Variants in NRG3 observed in about 807,000 individuals in gnomAD.
The protein encoded by NRG3 is pro-neuregulin-3, membrane-bound isoform.
NRG3 carries 31 observed loss-of-function variants against 66.9 expected under a neutral mutation model. The observed-to-expected ratio is 0.46, with a 90% CI of 0.35 to 0.63. The LOEUF (loss-of-function observed/expected upper bound fraction) is 0.63. Among genes scored for constraint, NRG3 ranks in the 20% least tolerant of loss-of-function variants. The pLI is 0.00. For synonymous variants in NRG3, 393 were observed against 359.4 expected (o/e 1.09, Z -1.06); for missense variants, 910 against 878.9 (o/e 1.04, Z -0.45).
chr10:82,089,925 G>A (rs2065933499), intron 1 of NRG3, among the ~76,000 whole-genome samples: 1 of 152,146 alleles, frequency 6.6e-6, no homozygotes, highest in African/African-American at 2.4e-5. Flanking sequence ...TCCCTCCTCA[G>A]TTCTGTGATC....
At chr10:82,009,567 G>A (rs1319072471) in intron 1 of NRG3, among the ~76,000 whole-genome samples, 1 of 152,098 alleles carries the variant, frequency 6.6e-6, no homozygotes, top group African/African-American at 2.4e-5. Context: ...TTTTCTTAGT[G>A]CGTTAAAGAT....
At chr10:82,566,222 G>A (rs1016095121) in intron 2 of NRG3, among the ~76,000 whole-genome samples, 1 of 151,784 alleles carries the variant, frequency 6.6e-6, no homozygotes, top group African/African-American at 2.4e-5. Context: ...TCTTTCTTTG[G>A]TTGTTTTATT....
At chr10:82,301,093 C>A (rs970312358) in intron 1 of NRG3, among the ~76,000 whole-genome samples, 4 of 152,174 alleles carry the variant, frequency 2.6e-5, no homozygotes, top group Non-Finnish European at 5.9e-5. Flanking sequence ...GGATATATTT[C>A]ATCAATATGT....
At chr10:82,792,688 A>G (rs1349543929) in intron 3 of NRG3, among the ~76,000 whole-genome samples, 4 of 151,464 alleles carry the variant, frequency 2.6e-5, no homozygotes, top group African/African-American at 7.3e-5. Context: ...TTATTTATTT[A>G]TTTATTTTTT....
chr10:82,183,401 C>G (rs776799912), intron 1 of NRG3, among the ~76,000 whole-genome samples: 3 of 151,872 alleles, frequency 2.0e-5, no homozygotes, highest in Admixed American at 2.0e-4. Flanking sequence ...TTCGTTAACT[C>G]ATATATCTCC....
At chr10:82,070,626 G>A (rs564306742) in intron 1 of NRG3, among the ~76,000 whole-genome samples, 1 of 151,902 alleles carries the variant, frequency 6.6e-6, no homozygotes, top group East Asian at 1.9e-4. Context: ...AAGTATATTA[G>A]GTAAATAAAA....
intron 1 of NRG3, chr10:82,225,321 C>G (rs1292683778): frequency 2.0e-5 from 3 of 152,166 alleles, no homozygotes; most frequent in African/African-American, 7.2e-5. Flanking sequence ...GTTATTACCA[C>G]TAGAAGCTAC....
chr10:82,092,438 C>T (rs778117651), intron 1 of NRG3, among the ~76,000 whole-genome samples: 1 of 152,030 alleles, frequency 6.6e-6, no homozygotes, highest in African/African-American at 2.4e-5. Context: ...TTTCAAGCAC[C>T]ATTTTCATCC....
At chr10:82,705,577 T>A (rs1441814571) in intron 2 of NRG3, among the ~76,000 whole-genome samples, 2 of 152,214 alleles carry the variant, frequency 1.3e-5, no homozygotes, top group Non-Finnish European at 2.9e-5. Context: ...CTCTGAGGCT[T>A]AAAACCCTGT....
At chr10:82,301,116 G>T (rs2080378569) in intron 1 of NRG3, among the ~76,000 whole-genome samples, 1 of 152,172 alleles carries the variant, frequency 6.6e-6, no homozygotes, top group Admixed American at 6.5e-5. Flanking sequence ...TATTTGTGCT[G>T]TGTTTTAACA....
intron 3 of NRG3, among the ~76,000 whole-genome samples, chr10:82,784,110 G>T (rs535786857): frequency 1.3e-5 from 2 of 152,034 alleles, no homozygotes; most frequent in Admixed American, 6.5e-5. Context: ...AATGGGGAAA[G>T]GATTCCCTAT....
At chr10:82,738,704 T>A (rs1180571943) in intron 3 of NRG3, 54 bp downstream of exon 3, 1 of 1,429,334 alleles carries the variant, frequency 7.0e-7, no homozygotes, top group Non-Finnish European at 9.9e-7. Context: ...GCGTTTATTC[T>A]GAGCAATGGT....
intron 3 of NRG3, among the ~76,000 whole-genome samples, chr10:82,763,442 TA>T (rs1225692410): frequency 6.6e-6 from 1 of 152,126 alleles, no homozygotes; most frequent in Non-Finnish European, 1.5e-5. Flanking sequence ...AAAATAGCAA[TA>T]GAATTATAGA....
intron 1 of NRG3, among the ~76,000 whole-genome samples, chr10:82,135,839 G>A (rs1031712178): frequency 1.1e-4 from 17 of 152,060 alleles, no homozygotes; most frequent in Non-Finnish European, 2.2e-4. Flanking sequence ...ATTGGCCACT[G>A]GTGCCTTATT....
At chr10:82,056,192 A>G (rs1442844835) in intron 1 of NRG3, among the ~76,000 whole-genome samples, 1 of 152,188 alleles carries the variant, frequency 6.6e-6, no homozygotes, top group Non-Finnish European at 1.5e-5. Context: ...GTACAATGGC[A>G]TGAGAGATGG....
At chr10:82,585,974 T>C (rs1289045354) in intron 2 of NRG3, among the ~76,000 whole-genome samples, 1 of 152,212 alleles carries the variant, frequency 6.6e-6, no homozygotes, top group Non-Finnish European at 1.5e-5. Flanking sequence ...TGAATTGTAA[T>C]TACTTTTAGA....
intron 4 of NRG3, among the ~76,000 whole-genome samples, chr10:82,915,946 A>G (rs1307452116): frequency 2.6e-5 from 4 of 152,240 alleles, no homozygotes; most frequent in Admixed American, 6.5e-5. Flanking sequence ...AAATACTGTA[A>G]TATTACAGAT....
At position 82,262,791 on chromosome 10, in the gene NRG3, C is replaced by T. The variant is rs116134316; in HGVS notation, c.824-95948C>T. 8.3e-3 allele frequency among the ~76,000 whole-genome samples: 1,258 copies of T among 152,250 alleles called. 14 individuals carry two copies. Among genetic ancestry groups the T allele is most frequent in the African/African-American group, 0.029 (1,185 of 41,548 alleles). ...TATGTGATCTGCTTTTTCCCTTTTA[C>T]GAACACGATGAGGAGGGTGTTTGAA... On this transcript the variant is annotated intron_variant, in intron 1 of 8. Coordinates refer to ENST00000372141, the MANE Select transcript of NRG3 (RefSeq NM_001010848.4).
At chr10:82,968,950 C>G (rs557359447) in intron 6 of NRG3, among the ~76,000 whole-genome samples, 9 of 152,254 alleles carry the variant, frequency 5.9e-5, no homozygotes, top group Admixed American at 5.9e-4. Context: ...GAAGAGAGAG[C>G]CAAGTGAAAG....
Sources: gnomAD v4.1 joint callset for allele counts (sites outside exome capture counted in the v4.1 genomes callset) on GRCh38, gnomAD v4.1.1 for gene constraint, MANE v1.5 for transcripts, NCBI Gene and HGNC (gene_info 2026-07-23, HGNC 2026-07-21) for gene names.